The following COPG1 variants were observed in gnomAD, a reference collection of about 807,000 sequenced individuals.
COPG1 encodes coat protein complex I subunit gamma 1.
COPG1 carries 29 observed loss-of-function variants against 102.8 expected under a neutral mutation model. That is an observed-to-expected ratio of 0.28 (90% CI 0.21 to 0.38). COPG1 has a LOEUF of 0.38. Ranked by LOEUF, COPG1 falls within the 10% of genes least tolerant of loss-of-function variation. The probability of loss-of-function intolerance (pLI) is 1.00; values close to 1 mark genes in which losing one functional copy is unlikely to be tolerated. For synonymous variants in COPG1, 406 were observed against 421.6 expected (o/e 0.96, Z 0.45); for missense variants, 875 against 1,132.7 (o/e 0.77, Z 3.27).
At chr3:129,250,912 CTTTTTTTTTT>C (rs10706690) in intron 2 of COPG1, 178 bp downstream of exon 2, 47 of 202,494 alleles carry the variant, frequency 2.3e-4, no homozygotes, top group Non-Finnish European at 3.9e-4. Flanking sequence ...ATGCTTACTT[CTTTTTTTTTT>C]TTTTTTTTTT....
chr3:129,267,563 G>A (rs1234687592), intron 15 of COPG1, among the ~76,000 whole-genome samples: 1 of 152,156 alleles, frequency 6.6e-6, no homozygotes, highest in African/African-American at 2.4e-5. Context: ...GGAGCTTGCA[G>A]TGAGCCGAGA....
At chr3:129,276,347 TC>T (rs1296113159) in intron 23 of COPG1, among the ~76,000 whole-genome samples, 1 of 152,256 alleles carries the variant, frequency 6.6e-6, no homozygotes, top group African/African-American at 2.4e-5. Context: ...TCATTCTCCT[TC>T]CCAGATTATT....
At chr3:129,268,750 A>T in intron 17 of COPG1, 130 bp downstream of exon 17, 2 of 1,221,336 alleles carry the variant, frequency 1.6e-6, no homozygotes, top group Non-Finnish European at 2.3e-6. Flanking sequence ...GATCTTTTCC[A>T]CCTCTGGCTC....
intron 17 of COPG1, 72 bp from the exon 18 acceptor site, chr3:129,268,860 G>T: frequency 1.4e-6 from 2 of 1,390,804 alleles, no homozygotes; most frequent in Non-Finnish European, 2.0e-6. Context: ...CTGAGTAATA[G>T]CACTGGGGTC....
chr3:129,258,983 G>A (rs1289629495), intron 10 of COPG1, among the ~76,000 whole-genome samples: 2 of 152,198 alleles, frequency 1.3e-5, no homozygotes, highest in Admixed American at 1.3e-4. Flanking sequence ...GAAGAGGGGA[G>A]TGTTTTAGAA....
rs766752287 is a variant in COPG1, at chr3:129,252,885, C to G, written c.253C>G (p.Arg85Gly). The change falls in exon 5 of 24, where the codon CGT (arginine) becomes GGT (glycine). Residue 85 changes from arginine to glycine, a missense_variant. Arg to Gly is a moderately radical substitution (Grantham distance 125, BLOSUM62 -2). Coordinates refer to ENST00000314797, the MANE Select transcript of COPG1 (RefSeq NM_016128.4). ...KLFQSNDPTL[R>G]RMCYLTIKEM... ...CCCACCTATCTCCCAGCCCACACTCCGTCGGATGTGCTACTTGACCATCAA... is the reference window on the plus strand; with the variant it reads ...CCCACCTATCTCCCAGCCCACACTCGGTCGGATGTGCTACTTGACCATCAA... The G allele has an allele frequency of 6.2e-7, 1 of 1,614,128 alleles. No individual in the cohort carries two copies.
intron 18 of COPG1, among the ~76,000 whole-genome samples, chr3:129,270,668 AG>A (rs1291959277): frequency 6.6e-6 from 1 of 152,216 alleles, no homozygotes; most frequent in Non-Finnish European, 1.5e-5. Context: ...GTGGTCACAT[AG>A]GCTGACTTTT....
At chr3:129,264,513 C>G (rs1002052121) in intron 13 of COPG1, among the ~76,000 whole-genome samples, 1 of 152,228 alleles carries the variant, frequency 6.6e-6, no homozygotes, top group Non-Finnish European at 1.5e-5. Context: ...TTTCACCCAG[C>G]CCCAGAGTGG....
chr3:129,268,695 C>A, intron 17 of COPG1, 75 bp downstream of exon 17: 1 of 1,517,142 alleles, frequency 6.6e-7, no homozygotes, highest in Non-Finnish European at 9.0e-7. Flanking sequence ...TGCAAAGCCA[C>A]TAACCTAACT....
rs772930869 is a variant in COPG1 at position 129,271,977 on chromosome 3, C to A, written c.1986+68C>A. Reference sequence around the variant, plus strand: ...GGAGTTGTCCCAGGTCTGGCAGGTCCTGTAGGGTCATGGGTCCCCACACTG... The same window carrying A: ...GGAGTTGTCCCAGGTCTGGCAGGTCATGTAGGGTCATGGGTCCCCACACTG... On this transcript the variant is annotated intron_variant, in intron 19 of 23. Transcript: ENST00000314797. The surrounding 1 kb of genome is among the most constrained non-coding windows in gnomAD (Gnocchi z 4.7). The A allele has an allele frequency of 8.3e-5, 130 of 1,557,240 alleles. No homozygotes were observed. Among genetic ancestry groups the A allele is most frequent in the Non-Finnish European group, 1.7e-5 (19 of 1,145,614 alleles).
intron 8 of COPG1, 106 bp downstream of exon 8, chr3:129,256,260 A>G: frequency 1.1e-6 from 1 of 888,702 alleles, no homozygotes; most frequent in Non-Finnish European, 1.8e-6. Context: ...ACCCCTGGCC[A>G]TAGCAGGCTT....
intron 18 of COPG1, among the ~76,000 whole-genome samples, chr3:129,270,087 AG>A (rs1031690795): frequency 1.4e-5 from 2 of 146,218 alleles, no homozygotes; most frequent in Admixed American, 1.3e-4. Context: ...CTGCCCTAGA[AG>A]GGCCCTTATG....
Position 129,257,770 on chromosome 3 carries a change from A to C in COPG1, c.781A>C (p.Asn261His). The change falls in exon 10 of 24, where the codon AAC becomes CAC. Residue 261 changes from asparagine (N) to histidine (H), a missense_variant. By Grantham distance (68) the Asn-to-His change is moderately conservative (BLOSUM62 1). Coordinates refer to ENST00000314797, the MANE Select transcript of COPG1 (RefSeq NM_016128.4). The part of the protein sequence containing the change: ...LFDFIESCLR[N>H]KHEMVVYEAA... ...TGACTTCATCGAGAGCTGCTTGCGCAACAAGCACGAGATGGTGGTGTATGA... is the reference window on the plus strand; with the variant it reads ...TGACTTCATCGAGAGCTGCTTGCGCCACAAGCACGAGATGGTGGTGTATGA... 5 of 1,614,150 alleles carry C rather than the reference A, an allele frequency of 3.1e-6. No homozygotes were observed. Among genetic ancestry groups the C allele is most frequent in the African/African-American group, 1.3e-5 (1 of 75,042 alleles).
chr3:129,268,910 C>T (rs201812227), intron 17 of COPG1, 22 bp from the exon 18 acceptor site: 46 of 1,610,114 alleles, frequency 2.9e-5, no homozygotes, highest in South Asian at 8.8e-5. Flanking sequence ...TTGGTCATCA[C>T]GTGTATAATT....
Position 129,257,711 on chromosome 3 carries a change from C to T in COPG1, c.738-16C>T. ...CCACCCCCAACGTTTTCTTGCCACC[C>T]TATGTTCTTTTGTAGCCGTGACAGC... On this transcript the variant is annotated splice_polypyrimidine_tract_variant and intron_variant, in intron 9 of 23. Coordinates refer to ENST00000314797, the MANE Select transcript of COPG1 (RefSeq NM_016128.4). The T allele has an allele frequency of 6.2e-7, 1 of 1,613,714 alleles. No individual in the cohort carries two copies. Among genetic ancestry groups the T allele is most frequent in the Non-Finnish European group, 8.5e-7 (1 of 1,179,646 alleles).
In COPG1 at chr3:129,261,397, G is replaced by T. The variant is rs139099198; in HGVS notation, c.1128+590G>T. Among the ~76,000 whole-genome samples the T allele has an allele frequency of 3.6e-3, 541 of 152,314 alleles. 2 individuals carry two copies. Among genetic ancestry groups the T allele is most frequent in the African/African-American group, 0.012 (498 of 41,568 alleles). ...CAAGGAGAGAGAAGGCCAGTGGGTG[G>T]AAGAGCTGTGGGGCCAGTGCAGGTG... is the stretch of plus-strand genomic sequence containing the variant. On this transcript the variant is annotated intron_variant, in intron 12 of 23. Transcript: ENST00000314797.
intron 4 of COPG1, 67 bp downstream of exon 4, chr3:129,252,761 A>G: frequency 6.5e-7 from 1 of 1,546,042 alleles, no homozygotes; most frequent in Non-Finnish European, 8.9e-7. Flanking sequence ...AGGGCCAAAG[A>G]GAGCTGGCCC....
At position 129,260,676 on chromosome 3, in the gene COPG1, G is replaced by A; in HGVS notation, c.997G>A (p.Val333Ile). ...TACNLDLENLVTDSNRSIATL... is the reference protein window; with the variant it reads ...TACNLDLENLITDSNRSIATL... Reference sequence around the variant, plus strand: ...TTGTAATCTGGATCTGGAGAACCTGGTCACAGATTCAAACCGCAGCATTGC... The same window carrying A: ...TTGTAATCTGGATCTGGAGAACCTGATCACAGATTCAAACCGCAGCATTGC... The change falls in exon 12 of 24, where the codon GTC (valine) becomes ATC (isoleucine). Residue 333 changes from valine (V) to isoleucine (I), a missense_variant. Transcript: ENST00000314797. 1.9e-6 allele frequency: 3 copies of A among 1,614,074 alleles called. No individual in the cohort carries two copies. The highest frequency in any genetic ancestry group is 2.5e-6 in the Non-Finnish European group (3 of 1,180,030).
chr3:129,264,773 A>T (rs925736644), intron 13 of COPG1, among the ~76,000 whole-genome samples: 1 of 150,704 alleles, frequency 6.6e-6, no homozygotes, highest in Non-Finnish European at 1.5e-5. Context: ...GTGAGCCATC[A>T]TGCCTGGCCA....
Sources: allele counts gnomAD v4.1 joint callset (sites outside exome capture counted in the v4.1 genomes callset), GRCh38; gene constraint gnomAD v4.1.1; non-coding constraint Gnocchi (gnomAD v3.1); transcripts MANE v1.5; gene names NCBI Gene and HGNC (gene_info 2026-07-23, HGNC 2026-07-21).